Variants in CENPP observed in about 807,000 individuals in gnomAD.
CENPP encodes the protein centromere protein P.
Under a neutral mutation model 35.6 loss-of-function variants are expected in CENPP, and 24 were observed. That is an observed-to-expected ratio of 0.67 (90% CI 0.49 to 0.95). CENPP has a LOEUF of 0.95. Among genes scored for constraint, CENPP ranks in the 40% least tolerant of loss-of-function variants. The pLI is 0.00. For synonymous variants in CENPP, 120 were observed against 125.5 expected, an observed-to-expected ratio of 0.96 and a Z score of 0.29; for missense variants, 332 against 345.3, an observed-to-expected ratio of 0.96 and a Z score of 0.31.
chr9:92,540,864 G>C (rs979402178), intron 5 of CENPP, among the ~76,000 whole-genome samples: 1 of 152,148 alleles, frequency 6.6e-6, no homozygotes. Flanking sequence ...TGCCTTGCGA[G>C]TGTTTGCTAA....
intron 5 of CENPP, among the ~76,000 whole-genome samples, chr9:92,431,348 T>G (rs1844104327): frequency 1.3e-5 from 2 of 152,188 alleles, no homozygotes; most frequent in African/African-American, 4.8e-5. Flanking sequence ...CTGTTGGCAT[T>G]TGATGTGGAT....
intron 5 of CENPP, chr9:92,517,771 A>G (rs2131222382): frequency 6.2e-7 from 1 of 1,614,236 alleles, no homozygotes; most frequent in Non-Finnish European, 8.5e-7. Flanking sequence ...GTTTCATCAC[A>G]AAGAACTCTT....
Position 92,616,313 on chromosome 9 carries a change from A to G in CENPP, c.*3164A>G. On this transcript the variant is annotated 3_prime_UTR_variant, in exon 8 of 8. Coordinates refer to ENST00000375587, the MANE Select transcript of CENPP (RefSeq NM_001012267.3). Reference sequence around the variant, plus strand: ...GTGCCGGCTGTGTGCACCAGCGTGCAAAGCTTCCTCAGGCCAGTGCACCCC... The same window carrying G: ...GTGCCGGCTGTGTGCACCAGCGTGCGAAGCTTCCTCAGGCCAGTGCACCCC... The G allele has an allele frequency of 2.3e-6, 1 of 431,144 alleles. No individual in the cohort carries two copies. The highest frequency in any genetic ancestry group is 4.3e-6 in the Non-Finnish European group (1 of 235,214). The allele number at this position is 431,144 out of a possible 1,614,324, so 26.7% of individuals were successfully genotyped here. A position where few individuals can be genotyped will look rare whatever the true frequency, so the allele number is the denominator to read the frequency against.
intron 5 of CENPP, among the ~76,000 whole-genome samples, chr9:92,416,068 A>ATTTATTTATTTATT (rs1554760092): frequency 7.3e-6 from 1 of 137,008 alleles, no homozygotes; most frequent in African/African-American, 2.6e-5. Context: ...GTATATATAT[A>ATTTATTTATTTATT]TATTTATTTA....
At chr9:92,567,998 T>A (rs1411617621) in intron 5 of CENPP, among the ~76,000 whole-genome samples, 1 of 152,182 alleles carries the variant, frequency 6.6e-6, no homozygotes, top group African/African-American at 2.4e-5. Flanking sequence ...ATCCTTCCCT[T>A]ATCAGTAATT....
Position 92,575,451 on chromosome 9 carries a change from C to T in CENPP, c.565-35863C>T, listed in dbSNP as rs376741911. ...GCCATTAAGTACATGAAGAGATGCT[C>T]AACATCACTAATCATTAGGGAGCTA... On this transcript the variant is annotated intron_variant, in intron 5 of 7. Coordinates refer to ENST00000375587, the MANE Select transcript of CENPP (RefSeq NM_001012267.3). Among the ~76,000 whole-genome samples the T allele has an allele frequency of 2.0e-5, 3 of 152,280 alleles. No individual in the cohort carries two copies. In the East Asian group the frequency reaches 5.8e-4, roughly 29 times the overall value.
chr9:92,481,887 T>C (rs1845924520), intron 5 of CENPP, among the ~76,000 whole-genome samples: 1 of 152,076 alleles, frequency 6.6e-6, no homozygotes, highest in Admixed American at 6.5e-5. Context: ...TATTGAAAAA[T>C]ATATTTACTG....
chr9:92,352,073 A>G (rs182379355), intron 4 of CENPP, among the ~76,000 whole-genome samples: 19 of 134,808 alleles, frequency 1.4e-4, no homozygotes, highest in Non-Finnish European at 1.9e-4. Context: ...TGCACCATCT[A>G]TATAAGATAG....
At chr9:92,464,935 C>T (rs747786934) in intron 5 of CENPP, 12 of 1,610,012 alleles carry the variant, frequency 7.5e-6, no homozygotes, top group Non-Finnish European at 9.4e-6. Flanking sequence ...GAACTGAGGT[C>T]AGTTTTGCTT....
intron 5 of CENPP, among the ~76,000 whole-genome samples, chr9:92,503,820 C>T (rs1020390434): frequency 6.6e-6 from 1 of 152,190 alleles, no homozygotes; most frequent in African/African-American, 2.4e-5. Context: ...CAGTAAGAGA[C>T]TAGTCAAATA....
At chr9:92,544,268 G>C (rs552035392) in intron 5 of CENPP, among the ~76,000 whole-genome samples, 111 of 152,356 alleles carry the variant, frequency 7.3e-4, no homozygotes, top group Middle Eastern at 6.8e-3. Context: ...TTGAGGTCAA[G>C]AGTTCAAGGC....
intron 5 of CENPP, chr9:92,495,482 T>G: frequency 1.0e-6 from 1 of 984,078 alleles, no homozygotes; most frequent in Non-Finnish European, 1.2e-6. Flanking sequence ...ATACATTAGA[T>G]TTACCTTTAC....
intron 5 of CENPP, among the ~76,000 whole-genome samples, chr9:92,531,023 T>C (rs545019079): frequency 1.7e-4 from 26 of 152,332 alleles, no homozygotes; most frequent in Admixed American, 1.3e-3. Context: ...TATATTTTTA[T>C]ATTTTCAGTA....
intron 4 of CENPP, among the ~76,000 whole-genome samples, chr9:92,349,410 T>G (rs914709761): frequency 6.8e-6 from 1 of 146,508 alleles, no homozygotes; most frequent in South Asian, 2.1e-4. Context: ...TTTTTTTTTA[T>G]TTTTTTTTTT....
At chr9:92,505,739 C>T (rs750191061) in intron 5 of CENPP, 1 of 1,445,804 alleles carries the variant, frequency 6.9e-7, no homozygotes, top group Non-Finnish European at 9.3e-7. Context: ...AAAAACCATG[C>T]AAATTTTTGT....
rs768008622 is a variant in CENPP at position 92,593,306 on chromosome 9, A to G, written c.565-18008A>G. On this transcript the variant is annotated intron_variant, in intron 5 of 7. Transcript: ENST00000375587. The surrounding 1 kb of genome is among the most constrained non-coding windows in gnomAD (Gnocchi z 4.1). ...CAGACTTCTGACAGACCACCGTGGC[A>G]TCACACACAGGAGATACTCCATAAT... Among the ~76,000 whole-genome samples, 27 of 152,266 alleles carry G rather than the reference A, an allele frequency of 1.8e-4. No homozygotes were observed. The highest frequency in any genetic ancestry group is 2.9e-4 in the Non-Finnish European group (20 of 68,050).
intron 4 of CENPP, among the ~76,000 whole-genome samples, chr9:92,367,555 A>G (rs1353983224): frequency 2.6e-5 from 4 of 152,158 alleles, no homozygotes; most frequent in Admixed American, 1.3e-4. Flanking sequence ...TGGTCCCACA[A>G]CTGTTTCTTA....
At chr9:92,570,199 A>T (rs1850098513) in intron 5 of CENPP, among the ~76,000 whole-genome samples, 1 of 152,050 alleles carries the variant, frequency 6.6e-6, no homozygotes. Context: ...ATTCAGTATG[A>T]TATTGGCTGT....
At chr9:92,415,169 A>C (rs1351252274) in intron 5 of CENPP, 5 of 1,605,408 alleles carry the variant, frequency 3.1e-6, no homozygotes, top group Non-Finnish European at 4.2e-6. Context: ...TGATTTTCAT[A>C]ATAATGAAGG....
Sources: gnomAD v4.1 joint callset for allele counts (sites outside exome capture counted in the v4.1 genomes callset) on GRCh38, gnomAD v4.1.1 for gene constraint, Gnocchi (gnomAD v3.1) non-coding constraint, MANE v1.5 for transcripts, NCBI Gene and HGNC (gene_info 2026-07-23, HGNC 2026-07-21) for gene names.